KLHDC4: variants seen among roughly 807,000 people sequenced by gnomAD.
KLHDC4 encodes the protein kelch domain containing 4, also known as kelch domain-containing protein 4.
A neutral mutation model predicts 62.4 loss-of-function variants in KLHDC4; 90 were observed. That is an observed-to-expected ratio of 1.44 (90% CI 1.22 to 1.72). The LOEUF is 1.72. Among genes scored for constraint, KLHDC4 ranks in the 40% most tolerant of loss-of-function variants. The probability of loss-of-function intolerance (pLI) is 0.00; values close to 1 mark genes in which losing one functional copy is unlikely to be tolerated. For synonymous variants in KLHDC4, 386 were observed against 284.4 expected, an observed-to-expected ratio of 1.36 and a Z score of -3.59; for missense variants, 1,025 against 699.7, an observed-to-expected ratio of 1.47 and a Z score of -5.25.
At chr16:87,749,111 T>C (rs896268152) in intron 4 of KLHDC4, among the ~76,000 whole-genome samples, 1 of 151,720 alleles carries the variant, frequency 6.6e-6, no homozygotes, top group Non-Finnish European at 1.5e-5. Flanking sequence ...AGCTAGTTAC[T>C]TCAAACATTA....
At chr16:87,720,615 G>A (rs75137920) in intron 7 of KLHDC4, among the ~76,000 whole-genome samples, 2,081 of 152,342 alleles carry the variant, frequency 0.014, 53 homozygotes, top group African/African-American at 0.048. Flanking sequence ...GCTTGGGAGA[G>A]AGGGACCCAT....
Position 87,711,338 on chromosome 16 carries a change from C to A in KLHDC4, c.941G>T (p.Gly314Val), listed in dbSNP as rs1285441729. ...APNHQTLFFG[G>V]VCDEEEEESL... The stretch of plus-strand genomic sequence containing the variant: ...CTCCTCCTCTTCCTCGTCACAGACA[C>A]CCCCGAAGAACAGTGTCTGGTGATT... The change falls in exon 9 of 12, where the codon GGT becomes GTT. Residue 314 changes from glycine to valine, a missense_variant. Transcript: ENST00000270583. 6.2e-7 allele frequency: 1 copy of A among 1,613,924 alleles called. No homozygotes were observed. Among genetic ancestry groups the A allele is most frequent in the Non-Finnish European group, 8.5e-7 (1 of 1,180,038 alleles).
chr16:87,725,473 G>A (rs1207665339), intron 7 of KLHDC4, among the ~76,000 whole-genome samples: 2 of 152,182 alleles, frequency 1.3e-5, no homozygotes, highest in Non-Finnish European at 2.9e-5. Flanking sequence ...CCTAAGCATA[G>A]CAAAATCTTA....
At chr16:87,741,273 T>G (rs928689609) in intron 5 of KLHDC4, among the ~76,000 whole-genome samples, 1 of 152,242 alleles carries the variant, frequency 6.6e-6, no homozygotes, top group South Asian at 2.1e-4. Flanking sequence ...CAGCCAGCGC[T>G]GGCCTGGACA....
chr16:87,709,068 G>C (rs1373484096), intron 10 of KLHDC4, among the ~76,000 whole-genome samples, 197 bp downstream of exon 10: 1 of 152,282 alleles, frequency 6.6e-6, no homozygotes, highest in Admixed American at 6.5e-5. Flanking sequence ...ACAAAGGACA[G>C]ACGTGCCCAG....
chr16:87,765,774 C>G lies in KLHDC4; in HGVS notation c.99+18G>C. 1.3e-6 allele frequency: 2 copies of G among 1,564,328 alleles called. No homozygotes were observed. Among genetic ancestry groups the G allele is most frequent in the East Asian group, 2.4e-5 (1 of 42,550 alleles). On this transcript the variant is annotated intron_variant, in intron 1 of 11. Transcript: ENST00000270583. Reference sequence around the variant, plus strand: ...CGGCCGCGACGTCGGGCCGCTAAGCCCGGTCTGACCCGCTCACCTCCTCCT... The same window carrying G: ...CGGCCGCGACGTCGGGCCGCTAAGCGCGGTCTGACCCGCTCACCTCCTCCT...
chr16:87,759,386 C>G (rs1244447176), intron 2 of KLHDC4, among the ~76,000 whole-genome samples: 1 of 151,524 alleles, frequency 6.6e-6, no homozygotes, highest in Non-Finnish European at 1.5e-5. Context: ...CCATAGCACT[C>G]CAGCCTGGGC....
rs1173625123 is a variant in KLHDC4 at position 87,752,089 on chromosome 16, C to CAAAAAAAAAAAAA, written c.369+3092_369+3104dup. Among the ~76,000 whole-genome samples the CAAAAAAAAAAAAA allele has an allele frequency of 6.8e-4, 20 of 29,468 alleles. 1 individual carries two copies. The highest frequency in any genetic ancestry group is 2.0e-3 in the African/African-American group (12 of 5,858). The allele number at this position is 29,468 out of a possible 152,430, so 19.3% of individuals were successfully genotyped here. A position where few individuals can be genotyped will look rare whatever the true frequency, so the allele number is the denominator to read the frequency against. On this transcript the variant is annotated intron_variant, in intron 4 of 11. Transcript: ENST00000270583. ...TGGGCAACAGAGTGAGACTTTGTCT[C>CAAAAAAAAAAAAA]AAAAAAAAAAAAAAAAAAAAAAAAA... is the stretch of plus-strand genomic sequence containing the variant.
intron 7 of KLHDC4, 141 bp from the exon 8 acceptor site, chr16:87,714,714 T>A: frequency 1.2e-6 from 1 of 851,654 alleles, no homozygotes; most frequent in Non-Finnish European, 1.9e-6. Context: ...AAAGCGTGCC[T>A]GCAGTGTGCT....
intron 5 of KLHDC4, among the ~76,000 whole-genome samples, chr16:87,739,541 C>G (rs1409581443): frequency 1.3e-5 from 2 of 150,518 alleles, no homozygotes; most frequent in Non-Finnish European, 3.0e-5. Flanking sequence ...CATCCATCCA[C>G]ACACCAGCAC....
chr16:87,732,002 CGGGGCAGGAGCTGGGA>C (rs936185631), intron 5 of KLHDC4, among the ~76,000 whole-genome samples: 89 of 151,960 alleles, frequency 5.9e-4, no homozygotes, highest in Admixed American at 4.8e-3. Context: ...GATAGCTGCT[CGGGGCAGGAGCTGGGA>C]GGGGACCAAC....
At chr16:87,728,697 A>G (rs2039808174) in intron 6 of KLHDC4, among the ~76,000 whole-genome samples, 2 of 152,158 alleles carry the variant, frequency 1.3e-5, no homozygotes, top group South Asian at 4.1e-4. Flanking sequence ...GAATGAACAT[A>G]AGGCTAGGCG....
exon 1 of KLHDC4, chr16:87,702,302 C>T (rs1464940593): frequency 6.6e-6 from 3 of 456,092 alleles, no homozygotes; most frequent in Non-Finnish European, 1.3e-5. Flanking sequence ...GGCCGGTCTG[C>T]CGGGGGCTCC....
intron 2 of KLHDC4, among the ~76,000 whole-genome samples, chr16:87,756,860 C>A (rs180907556): frequency 6.6e-6 from 1 of 151,852 alleles, no homozygotes; most frequent in Non-Finnish European, 1.5e-5. Flanking sequence ...GTCACCCAGG[C>A]TGGAGTGCAA....
intron 5 of KLHDC4, among the ~76,000 whole-genome samples, chr16:87,745,540 T>C (rs2042912919): frequency 1.3e-5 from 2 of 152,220 alleles, no homozygotes; most frequent in Non-Finnish European, 2.9e-5. Flanking sequence ...TATGGGCAAA[T>C]CCATCCACCT....
chr16:87,707,947 G>A lies in KLHDC4; in HGVS notation c.*130C>T, dbSNP rs561807595. Reference sequence around the variant, plus strand: ...TGGGAGAAAGTTCACACCCTGGCCTGGGCCACCCACCTTCAGCTCTCTCCT... The same window carrying A: ...TGGGAGAAAGTTCACACCCTGGCCTAGGCCACCCACCTTCAGCTCTCTCCT... On this transcript the variant is annotated 3_prime_UTR_variant, in exon 12 of 12. Coordinates refer to ENST00000270583, the MANE Select transcript of KLHDC4 (RefSeq NM_017566.4). 4.3e-6 allele frequency: 2 copies of A among 467,376 alleles called. No individual in the cohort carries two copies. Among genetic ancestry groups the A allele is most frequent in the Non-Finnish European group, 8.5e-6 (2 of 234,560 alleles). The allele number at this position is 467,376 out of a possible 1,614,324, so 29.0% of individuals were successfully genotyped here. A position where few individuals can be genotyped will look rare whatever the true frequency, so the allele number is the denominator to read the frequency against.
In KLHDC4 at chr16:87,707,981, G is replaced by A; in HGVS notation, c.*96C>T. ...ACCTTCAGCTCTCTCCTGTGCGTCA[G>A]GACGCACGCTGGCCCCAAGAGCTTC... On this transcript the variant is annotated 3_prime_UTR_variant, in exon 12 of 12. Transcript: ENST00000270583. 2.1e-6 allele frequency: 1 copy of A among 476,688 alleles called. No individual in the cohort carries two copies. Among genetic ancestry groups the A allele is most frequent in the Non-Finnish European group, 4.2e-6 (1 of 240,682 alleles). The allele number at this position is 476,688 out of a possible 1,614,324, so 29.5% of individuals were successfully genotyped here. A position where few individuals can be genotyped will look rare whatever the true frequency, so the allele number is the denominator to read the frequency against.
intron 5 of KLHDC4, among the ~76,000 whole-genome samples, chr16:87,742,554 G>A (rs1303699910): frequency 1.3e-5 from 2 of 152,136 alleles, no homozygotes; most frequent in South Asian, 2.1e-4. Context: ...ACTGGACCCC[G>A]TCTATGGTCC....
intron 4 of KLHDC4, among the ~76,000 whole-genome samples, chr16:87,751,473 C>G (rs74756783): frequency 1.0e-5 from 1 of 98,158 alleles, no homozygotes; most frequent in Non-Finnish European, 2.0e-5. Flanking sequence ...GACTTCATCT[C>G]AAAAAAAAAA....
Sources: allele counts gnomAD v4.1 joint callset (sites outside exome capture counted in the v4.1 genomes callset), GRCh38; gene constraint gnomAD v4.1.1; transcripts MANE v1.5; gene names NCBI Gene and HGNC (gene_info 2026-07-23, HGNC 2026-07-21).